Variants in PIGG observed in about 807,000 individuals in gnomAD.
PIGG encodes the protein GPI ethanolamine phosphate transferase 2, catalytic subunit.
A neutral mutation model predicts 83.2 loss-of-function variants in PIGG; 70 were observed. The ratio of observed to expected loss-of-function variants is 0.84; its 90% confidence interval spans 0.69 to 1.03. The LOEUF (loss-of-function observed/expected upper bound fraction) is 1.03, where lower values mean the gene tolerates loss of function less well. PIGG is among the 50% of genes least tolerant of loss of function. PIGG has a pLI of 0.00. For synonymous variants in PIGG, 532 were observed against 519.5 expected, an observed-to-expected ratio of 1.02 and a Z score of -0.33; for missense variants, 1,257 against 1,233.6, an observed-to-expected ratio of 1.02 and a Z score of -0.28.
Position 521,219 on chromosome 4 carries a change from A to G in PIGG, c.1278A>G (p.Gln426=). 6.2e-7 allele frequency: 1 copy of G among 1,614,158 alleles called. No homozygotes were observed. The highest frequency in any genetic ancestry group is 8.5e-7 in the Non-Finnish European group (1 of 1,180,008). The change falls in exon 7 of 13, where the codon CAA becomes CAG. Residue 426 remains glutamine, a synonymous_variant. Transcript: ENST00000453061. ...LKTLSLSLSA[Q]VAQYDIYSMM... ...CGCTGAGCTTGTCCCTGAGTGCACA[A>G]GTGGCCCAGTACGACATCTATTCGA...
intron 5 of PIGG, among the ~76,000 whole-genome samples, chr4:513,241 T>G (rs1415166347): frequency 2.0e-5 from 3 of 152,252 alleles, no homozygotes; most frequent in Non-Finnish European, 4.4e-5. Context: ...TAAGCAAGTT[T>G]ATGGAGCTAC....
chr4:526,830 G>A (rs896789722), intron 9 of PIGG: 1 of 614,034 alleles, frequency 1.6e-6, no homozygotes, highest in Admixed American at 3.0e-5. Context: ...TTGCTGGTGT[G>A]AGCCACCACA....
At chr4:539,102 T>A (rs751358287) in intron 12 of PIGG, 51 bp from the exon 13 acceptor site, 2 of 1,144,992 alleles carry the variant, frequency 1.7e-6, no homozygotes, top group Non-Finnish European at 2.6e-6. Context: ...TTGTTACATG[T>A]GTGATATGTA....
At chr4:519,476 G>A (rs906444724) in intron 6 of PIGG, among the ~76,000 whole-genome samples, 4 of 152,242 alleles carry the variant, frequency 2.6e-5, no homozygotes, top group Non-Finnish European at 4.4e-5. Context: ...TGCCAGCCCT[G>A]GAACCAGACT....
In PIGG at chr4:523,828, C is replaced by A. The variant is rs1269376351; in HGVS notation, c.1984C>A (p.Leu662Met). The change falls in exon 9 of 13, where the codon CTG (leucine) becomes ATG (methionine). Residue 662 changes from leucine (L) to methionine (M), a missense_variant. By Grantham distance (15) the Leu-to-Met change is conservative. Coordinates refer to ENST00000453061, the MANE Select transcript of PIGG (RefSeq NM_001127178.3). ...GGTGCTGGCCAGTCCGTGGCTAATACTGGCCTGCTGCCGGCTGCTGCGCTC... is the reference window on the plus strand; with the variant it reads ...GGTGCTGGCCAGTCCGTGGCTAATAATGGCCTGCTGCCGGCTGCTGCGCTC... The part of the protein sequence containing the change: ...WMVLASPWLI[L>M]ACCRLLRSLN... 1.9e-6 allele frequency: 3 copies of A among 1,610,992 alleles called. No homozygotes were observed. The Admixed American group carries it at 5.0e-5, about 27-fold the overall frequency.
chr4:537,536 G>A (rs539962582), intron 12 of PIGG, among the ~76,000 whole-genome samples: 1 of 152,320 alleles, frequency 6.6e-6, no homozygotes, highest in African/African-American at 2.4e-5. Context: ...GGTGTATTGA[G>A]GATACCTTGG....
chr4:503,396 GT>G (rs1361226942), intron 2 of PIGG, among the ~76,000 whole-genome samples: 4 of 152,192 alleles, frequency 2.6e-5, no homozygotes, highest in African/African-American at 4.8e-5. Flanking sequence ...AAGGCTCTGC[GT>G]GGCCTCACTC....
At position 499,433 on chromosome 4, in the gene PIGG, G is replaced by C; in HGVS notation, c.98G>C (p.Arg33Pro). The C allele has an allele frequency of 6.2e-7, 1 of 1,606,736 alleles. No individual in the cohort carries two copies. Among genetic ancestry groups the C allele is most frequent in the Non-Finnish European group, 8.5e-7 (1 of 1,179,704 alleles). Residue 33 changes from arginine (R) to proline (P), a missense_variant, in exon 1 of 13, where the codon CGT becomes CCT. Physicochemically the swap from Arg to Pro is moderately radical, Grantham distance 103. Coordinates refer to ENST00000453061, the MANE Select transcript of PIGG (RefSeq NM_001127178.3). ...CGGGGATTCTTCCCGGCTCCCGTTC[G>C]TTCCTCTGCCAGAGCGGAACACGGA... ...FLRGFFPAPV[R>P]SSARAEHGAE... is the part of the protein sequence containing the mutation.
Position 523,555 on chromosome 4 carries a change from G to T in PIGG, c.1711G>T (p.Val571Leu), listed in dbSNP as rs770091281. ...HVLSLGASSF[V>L]EEEHQTWYFL... The stretch of plus-strand genomic sequence containing the variant: ...CTTGAGCCTGGGCGCCAGCAGCTTC[G>T]TGGAGGAGGAGCACCAGACCTGGTA... Residue 571 changes from valine (V) to leucine (L), a missense_variant, in exon 9 of 13, where the codon GTG becomes TTG. Val to Leu is a conservative substitution (Grantham distance 32). Transcript: ENST00000453061. The T allele has an allele frequency of 1.9e-6, 3 of 1,614,052 alleles. No homozygotes were observed. The highest frequency in any genetic ancestry group is 3.3e-5 in the Admixed American group (2 of 60,006).
chr4:515,980 C>G lies in PIGG; in HGVS notation c.909C>G (p.Ile303Met). Residue 303 changes from isoleucine to methionine, a missense_variant, in exon 6 of 13, where the codon ATC becomes ATG. Transcript: ENST00000453061. This position sits in a 1 kb window ranked among gnomAD's most constrained non-coding sequence, Gnocchi z 4.2. ...ATGTTTTCTTTCTTCTAGGTGATAT[C>G]CGACATCCAAAGCACGTCCAACAGA... ...SSAFERKPGD[I>M]RHPKHVQQTD... The G allele has an allele frequency of 6.2e-7, 1 of 1,613,396 alleles. No individual in the cohort carries two copies. Among genetic ancestry groups the G allele is most frequent in the Non-Finnish European group, 8.5e-7 (1 of 1,179,294 alleles).
intron 10 of PIGG, chr4:527,597 T>C: frequency 9.9e-7 from 1 of 1,010,572 alleles, no homozygotes; most frequent in Non-Finnish European, 1.2e-6. Context: ...CAGGGTTCTG[T>C]TTTCCTGGTC....
intron 2 of PIGG, among the ~76,000 whole-genome samples, chr4:505,292 A>T (rs1719211461): frequency 6.6e-6 from 1 of 151,912 alleles, no homozygotes; most frequent in East Asian, 1.9e-4. Flanking sequence ...TTGAGTTTAC[A>T]GTTTTTCACC....
intron 5 of PIGG, among the ~76,000 whole-genome samples, chr4:509,547 C>T (rs186528504): frequency 1.3e-5 from 2 of 152,374 alleles, no homozygotes; most frequent in Non-Finnish European, 2.9e-5. Flanking sequence ...TGCTGCCACA[C>T]TCGCTGCCTC....
At position 523,456 on chromosome 4, in the gene PIGG, C is replaced by T. The variant is rs772421933; in HGVS notation, c.1615-3C>T. 32 of 1,596,042 alleles carry T rather than the reference C, an allele frequency of 2.0e-5. No homozygotes were observed. Among genetic ancestry groups the T allele is most frequent in the Non-Finnish European group, 2.7e-5 (32 of 1,168,456 alleles). ...CTTACAAAGTGCACTTTCCTTTTCACAGAACCCCATGCATCCCAGCTCAAG... is the reference window on the plus strand; with the variant it reads ...CTTACAAAGTGCACTTTCCTTTTCATAGAACCCCATGCATCCCAGCTCAAG... On this transcript the variant is annotated splice_polypyrimidine_tract_variant and splice_region_variant and intron_variant, in intron 8 of 12. Transcript: ENST00000453061.
At chr4:535,017 C>G (rs999855807) in intron 12 of PIGG, among the ~76,000 whole-genome samples, 1 of 152,278 alleles carries the variant, frequency 6.6e-6, no homozygotes, top group African/African-American at 2.4e-5. Flanking sequence ...CGCACACTCT[C>G]TGCTTCCTCA....
intron 5 of PIGG, among the ~76,000 whole-genome samples, chr4:513,135 CTTTG>C (rs1226088580): frequency 2.6e-4 from 40 of 152,266 alleles, no homozygotes; most frequent in African/African-American, 8.9e-4. Flanking sequence ...ATAAAGATTT[CTTTG>C]TTTGTTCTGT....
Position 527,183 on chromosome 4 carries a change from C to A in PIGG, c.2214C>A (p.Ile738=), listed in dbSNP as rs142756716. 3.7e-6 allele frequency: 6 copies of A among 1,611,726 alleles called. No individual in the cohort carries two copies. Among genetic ancestry groups the A allele is most frequent in the Admixed American group, 1.7e-5 (1 of 59,716 alleles). ...LLGVYCYRAA[I]GSVRFPWRPD... is the part of the protein sequence containing the mutation. ...GCGTCTACTGCTACCGGGCGGCCAT[C>A]GGGAGTGTCCGGTTCCCGTGGCGGC... Residue 738 remains isoleucine, a synonymous_variant, in exon 10 of 13, where the codon ATC becomes ATA. Coordinates refer to ENST00000453061, the MANE Select transcript of PIGG (RefSeq NM_001127178.3).
At position 522,127 on chromosome 4, in the gene PIGG, T is replaced by C; in HGVS notation, c.1614+186T>C. ...CAGCCTTATCCCAGGCCTCTGGGTGTCCCGACACAGGTGTTCACATCTGTG... is the reference window on the plus strand; with the variant it reads ...CAGCCTTATCCCAGGCCTCTGGGTGCCCCGACACAGGTGTTCACATCTGTG... On this transcript the variant is annotated intron_variant, in intron 8 of 12. Coordinates refer to ENST00000453061, the MANE Select transcript of PIGG (RefSeq NM_001127178.3). 4.5e-6 allele frequency: 3 copies of C among 660,310 alleles called. No homozygotes were observed. The South Asian group carries it at 5.1e-5, about 11-fold the overall frequency. 40.9% of individuals were successfully genotyped at this position (660,310 alleles called of 1,614,324 possible).
Position 523,894 on chromosome 4 carries a change from C to T in PIGG, c.2050C>T (p.Leu684Phe). 6.5e-7 allele frequency: 1 copy of T among 1,533,680 alleles called. No individual in the cohort carries two copies. The highest frequency in any genetic ancestry group is 8.8e-7 in the Non-Finnish European group (1 of 1,133,424). ...TGVQWAHRPD[L>F]GHWLTSSDHK... is the part of the protein sequence containing the mutation. ...TGTGCAGTGGGCTCACCGGCCTGAC[C>T]TCGGCCACTGGCTCACCAGGTGAGA... is the stretch of plus-strand genomic sequence containing the variant. Residue 684 changes from leucine (L) to phenylalanine (F), a missense_variant, in exon 9 of 13, where the codon CTC becomes TTC. Coordinates refer to ENST00000453061, the MANE Select transcript of PIGG (RefSeq NM_001127178.3).
Sources: gnomAD v4.1 joint callset for allele counts (sites outside exome capture counted in the v4.1 genomes callset) on GRCh38, gnomAD v4.1.1 for gene constraint, Gnocchi (gnomAD v3.1) non-coding constraint, MANE v1.5 for transcripts, NCBI Gene and HGNC (gene_info 2026-07-23, HGNC 2026-07-21) for gene names.